TRPC6: variants seen among roughly 807,000 people sequenced by gnomAD.
The protein encoded by TRPC6 is short transient receptor potential channel 6.
A neutral mutation model predicts 90.7 loss-of-function variants in TRPC6; 55 were observed. That is an observed-to-expected ratio of 0.61 (90% CI 0.49 to 0.76). TRPC6 has a LOEUF of 0.76. TRPC6 is among the 30% of genes least tolerant of loss of function. The probability of loss-of-function intolerance (pLI) is 0.00; values close to 1 mark genes in which losing one functional copy is unlikely to be tolerated. For synonymous variants in TRPC6, 393 were observed against 393.0 expected (o/e 1.00, Z 0.00); for missense variants, 989 against 1,122.7 (o/e 0.88, Z 1.70).
intron 1 of TRPC6, among the ~76,000 whole-genome samples, chr11:101,555,729 G>A (rs1861547806): frequency 6.6e-6 from 1 of 152,128 alleles, no homozygotes; most frequent in Non-Finnish European, 1.5e-5. Flanking sequence ...ATTTCTATGA[G>A]AACTAGTCAT....
chr11:101,524,775 A>T (rs1298622409), intron 1 of TRPC6, among the ~76,000 whole-genome samples: 2 of 152,232 alleles, frequency 1.3e-5, no homozygotes, highest in Non-Finnish European at 2.9e-5. Context: ...AATTTGATGC[A>T]GTGTTATCCA....
chr11:101,583,118 G>T, intron 1 of TRPC6: 10 of 969,002 alleles, frequency 1.0e-5, no homozygotes, highest in Non-Finnish European at 1.2e-5. Context: ...GCGTACCTAC[G>T]AGGAGCAAAC....
intron 1 of TRPC6, among the ~76,000 whole-genome samples, chr11:101,552,742 C>A (rs1249589448): frequency 2.0e-5 from 3 of 152,040 alleles, no homozygotes; most frequent in Non-Finnish European, 4.4e-5. Flanking sequence ...ATAATTCCTA[C>A]ATTATTATTT....
intron 1 of TRPC6, among the ~76,000 whole-genome samples, chr11:101,538,020 T>G (rs559719962): frequency 3.3e-5 from 5 of 152,298 alleles, no homozygotes; most frequent in African/African-American, 1.2e-4. Flanking sequence ...GTTTTTAATT[T>G]TTTTCCATAG....
intron 1 of TRPC6, among the ~76,000 whole-genome samples, chr11:101,563,464 G>A (rs1448560790): frequency 3.3e-5 from 5 of 152,182 alleles, no homozygotes; most frequent in Non-Finnish European, 7.3e-5. Flanking sequence ...AAGGAGTCTT[G>A]AAGAGTGAAT....
At chr11:101,455,379 C>T (rs761048082) in intron 10 of TRPC6, 5 of 353,876 alleles carry the variant, frequency 1.4e-5, no homozygotes, top group Non-Finnish European at 2.7e-5. Context: ...CGTTAACCTT[C>T]TCACAGATGA....
chr11:101,502,201 A>G (rs1042610688), intron 2 of TRPC6, among the ~76,000 whole-genome samples: 5 of 152,160 alleles, frequency 3.3e-5, no homozygotes, highest in Non-Finnish European at 7.4e-5. Flanking sequence ...TTTGCAATGC[A>G]TTTAGGGACC....
rs538103652 is a variant in TRPC6 at position 101,576,070 on chromosome 11, G to C, written c.170+7264C>G. ...CACGTGTTCCAGCCCCAAATATATT[G>C]GGTTTTGCCCACTTGACAACAACCT... On this transcript the variant is annotated intron_variant, in intron 1 of 12. Transcript: ENST00000344327. 2.6e-5 allele frequency among the ~76,000 whole-genome samples: 4 copies of C among 152,172 alleles called. No individual in the cohort carries two copies. In the East Asian group the frequency reaches 7.7e-4, roughly 29 times the overall value.
chr11:101,577,096 T>C (rs1353845670), intron 1 of TRPC6, among the ~76,000 whole-genome samples: 4 of 152,050 alleles, frequency 2.6e-5, no homozygotes, highest in Non-Finnish European at 5.9e-5. Flanking sequence ...GGAGCCAGAT[T>C]TGAAGGTGGT....
chr11:101,520,755 G>A (rs1237446025), intron 1 of TRPC6, among the ~76,000 whole-genome samples: 1 of 152,222 alleles, frequency 6.6e-6, no homozygotes, highest in African/African-American at 2.4e-5. Context: ...GAGAACTGGA[G>A]TAAAGGTCAC....
rs536565771 is a variant in TRPC6 at position 101,471,098 on chromosome 11, T to G, written c.2409+85A>C. ...AATGAATGGATGTGTCATCAGGAAC[T>G]GCTTCTCTTTAAAGGGATGTGGCAT... On this transcript the variant is annotated intron_variant, in intron 9 of 12. Coordinates refer to ENST00000344327, the MANE Select transcript of TRPC6 (RefSeq NM_004621.6). 3.0e-6 allele frequency: 4 copies of G among 1,335,042 alleles called. No homozygotes were observed. In the East Asian group the frequency reaches 9.2e-5, roughly 31 times the overall value. The allele number at this position is 1,335,042 out of a possible 1,614,324, so 82.7% of individuals were successfully genotyped here.
intron 2 of TRPC6, among the ~76,000 whole-genome samples, chr11:101,503,188 C>A (rs1218520621): frequency 1.3e-5 from 2 of 152,146 alleles, no homozygotes; most frequent in Non-Finnish European, 2.9e-5. Flanking sequence ...TGCAAGCTTT[C>A]ATCCTCTCCA....
chr11:101,502,010 T>C (rs1355191931), intron 2 of TRPC6, among the ~76,000 whole-genome samples: 1 of 152,196 alleles, frequency 6.6e-6, no homozygotes, highest in Non-Finnish European at 1.5e-5. Flanking sequence ...CAAAAAGGTA[T>C]GCATGTCCAG....
intron 1 of TRPC6, among the ~76,000 whole-genome samples, chr11:101,541,510 T>C (rs1241761019): frequency 1.5e-5 from 2 of 135,886 alleles, no homozygotes; most frequent in African/African-American, 5.3e-5. Context: ...TACAGGCACC[T>C]GCCACCACGC....
At chr11:101,520,971 T>A (rs1243861766) in intron 1 of TRPC6, among the ~76,000 whole-genome samples, 2 of 152,154 alleles carry the variant, frequency 1.3e-5, no homozygotes, top group Non-Finnish European at 2.9e-5. Flanking sequence ...GGAACTTATA[T>A]TTAAAAGGGA....
intron 1 of TRPC6, among the ~76,000 whole-genome samples, chr11:101,562,318 C>A (rs906594504): frequency 6.6e-6 from 1 of 152,072 alleles, no homozygotes; most frequent in African/African-American, 2.4e-5. Flanking sequence ...TTTAAATGAG[C>A]AGTTATGTAT....
At chr11:101,480,798 A>G (rs1246929997) in intron 5 of TRPC6, among the ~76,000 whole-genome samples, 1 of 152,226 alleles carries the variant, frequency 6.6e-6, no homozygotes, top group Non-Finnish European at 1.5e-5. Context: ...AAACTATGAG[A>G]CATGGGCTTT....
At chr11:101,541,438 T>C (rs774777199) in intron 1 of TRPC6, among the ~76,000 whole-genome samples, 58 of 152,236 alleles carry the variant, frequency 3.8e-4, no homozygotes, top group Non-Finnish European at 6.6e-4. Context: ...CTCGGCTCAC[T>C]GCAACCTCCA....
chr11:101,503,016 G>A (rs1440836603), intron 2 of TRPC6, among the ~76,000 whole-genome samples: 1 of 152,184 alleles, frequency 6.6e-6, no homozygotes, highest in Non-Finnish European at 1.5e-5. Flanking sequence ...TGTACTTGAT[G>A]AATCAAACCT....
Sources: allele counts gnomAD v4.1 joint callset (sites outside exome capture counted in the v4.1 genomes callset), GRCh38; gene constraint gnomAD v4.1.1; transcripts MANE v1.5; gene names NCBI Gene and HGNC (gene_info 2026-07-23, HGNC 2026-07-21).